Variants in ALK observed in about 807,000 individuals in gnomAD.
ALK encodes the protein ALK receptor tyrosine kinase.
A neutral mutation model predicts 163.1 loss-of-function variants in ALK; 74 were observed. That is an observed-to-expected ratio of 0.45 (90% CI 0.38 to 0.55). The LOEUF (loss-of-function observed/expected upper bound fraction) is 0.55. ALK is among the 20% of genes least tolerant of loss of function. The pLI is 0.00. For synonymous variants in ALK, 960 were observed against 843.2 expected (o/e 1.14, Z -2.40); for missense variants, 2,063 against 2,105.3 (o/e 0.98, Z 0.39).
chr2:29,476,950 C>T (rs1671539986), intron 4 of ALK, among the ~76,000 whole-genome samples: 1 of 152,198 alleles, frequency 6.6e-6, no homozygotes, highest in Non-Finnish European at 1.5e-5. Flanking sequence ...AAGGAGATCA[C>T]CATGCACCTC....
intron 3 of ALK, among the ~76,000 whole-genome samples, chr2:29,689,098 C>T (rs1678319803): frequency 6.6e-6 from 1 of 152,194 alleles, no homozygotes; most frequent in African/African-American, 2.4e-5. Flanking sequence ...AGGGAACTTG[C>T]TCTCCAGAAA....
At chr2:29,736,956 G>A (rs1332874912) in intron 1 of ALK, among the ~76,000 whole-genome samples, 1 of 152,070 alleles carries the variant, frequency 6.6e-6, no homozygotes, top group East Asian at 1.9e-4. Flanking sequence ...CTTAGACCCA[G>A]TGATGTTCCT....
intron 4 of ALK, among the ~76,000 whole-genome samples, chr2:29,424,271 C>A (rs746381168): frequency 7.9e-5 from 12 of 152,106 alleles, no homozygotes; most frequent in Non-Finnish European, 1.3e-4. Flanking sequence ...ACTTTCTTAA[C>A]AATACAATAT....
intron 4 of ALK, among the ~76,000 whole-genome samples, chr2:29,400,772 C>T (rs891256438): frequency 2.6e-5 from 4 of 152,140 alleles, no homozygotes; most frequent in East Asian, 3.9e-4. Flanking sequence ...GTTGGGAGTT[C>T]GAGACCAGCC....
At chr2:29,307,032 G>A (rs1361120991) in intron 8 of ALK, among the ~76,000 whole-genome samples, 3 of 152,234 alleles carry the variant, frequency 2.0e-5, no homozygotes, top group South Asian at 4.1e-4. Flanking sequence ...ATGTAAAGCC[G>A]GAACGGCATT....
At position 29,398,479 on chromosome 2, in the gene ALK, G is replaced by C. The variant is rs370783164; in HGVS notation, c.1155-14620C>G. Among the ~76,000 whole-genome samples the C allele has an allele frequency of 7.4e-4, 112 of 152,226 alleles. No individual in the cohort carries two copies. In the South Asian group the frequency reaches 0.022, roughly 30 times the overall value. The stretch of plus-strand genomic sequence containing the variant: ...TTCCTGGACACCCACTGTTTTATAA[G>C]TGTCACTATAGCCACTGGTGAGCTG... On this transcript the variant is annotated intron_variant, in intron 4 of 28. Transcript: ENST00000389048.
intron 3 of ALK, among the ~76,000 whole-genome samples, chr2:29,576,357 G>T (rs530119738): frequency 6.6e-6 from 1 of 152,156 alleles, no homozygotes; most frequent in East Asian, 1.9e-4. Context: ...CTGCCGGCCC[G>T]TCTGGGTGTT....
At chr2:29,893,728 TGTAATAATAGAA>T (rs1667203499) in intron 1 of ALK, among the ~76,000 whole-genome samples, 1 of 152,132 alleles carries the variant, frequency 6.6e-6, no homozygotes, top group Admixed American at 6.5e-5. Context: ...CCATAATATC[TGTAATAATAGAA>T]ATTAGCTTGT....
chr2:29,866,994 C>T (rs970012750), intron 1 of ALK, among the ~76,000 whole-genome samples: 2 of 152,214 alleles, frequency 1.3e-5, no homozygotes, highest in Non-Finnish European at 2.9e-5. Flanking sequence ...AATACATACA[C>T]TGGTTCAATA....
At chr2:29,787,792 G>A (rs568823916) in intron 1 of ALK, among the ~76,000 whole-genome samples, 2 of 152,128 alleles carry the variant, frequency 1.3e-5, no homozygotes, top group African/African-American at 4.8e-5. Context: ...GAAAATGTGG[G>A]TGGGACCAAA....
chr2:29,213,365 A>G (rs560849706), intron 24 of ALK, among the ~76,000 whole-genome samples: 1 of 152,268 alleles, frequency 6.6e-6, no homozygotes, highest in South Asian at 2.1e-4. Flanking sequence ...GCTTCATTTC[A>G]GAGTATTTTA....
Position 29,877,330 on chromosome 2 carries a change from C to G in ALK, c.667+42663G>C, listed in dbSNP as rs1341323498. On this transcript the variant is annotated intron_variant, in intron 1 of 28. Coordinates refer to ENST00000389048, the MANE Select transcript of ALK (RefSeq NM_004304.5). The stretch of plus-strand genomic sequence containing the variant: ...TGCCATTCCCATTCTTGGTCTAACA[C>G]CAGCTTGTCATAGAGGCCTTCCCTG... Among the ~76,000 whole-genome samples the G allele has an allele frequency of 2.0e-5, 3 of 152,126 alleles. 1 individual carries two copies. The highest frequency in any genetic ancestry group is 4.4e-5 in the Non-Finnish European group (3 of 68,034).
chr2:29,608,579 A>G (rs116799820), intron 3 of ALK, among the ~76,000 whole-genome samples: 72 of 152,326 alleles, frequency 4.7e-4, no homozygotes, highest in African/African-American at 1.7e-3. Flanking sequence ...AACCGTGTGG[A>G]CATAGGCGCC....
intron 4 of ALK, among the ~76,000 whole-genome samples, chr2:29,395,496 G>T (rs1023192705): frequency 1.3e-5 from 2 of 152,222 alleles, no homozygotes; most frequent in Non-Finnish European, 2.9e-5. Flanking sequence ...ATGACCCCAA[G>T]GTATGGCACC....
intron 1 of ALK, among the ~76,000 whole-genome samples, chr2:29,766,684 T>C (rs1680872114): frequency 6.6e-6 from 1 of 152,236 alleles, no homozygotes; most frequent in Admixed American, 6.5e-5. Flanking sequence ...CATCTTCATA[T>C]GCATAGTAAC....
chr2:29,650,210 G>A (rs192460229), intron 3 of ALK, among the ~76,000 whole-genome samples: 69 of 152,284 alleles, frequency 4.5e-4, no homozygotes, highest in Middle Eastern at 3.4e-3. Flanking sequence ...CATATGGATA[G>A]GTTAGCAGCT....
chr2:29,264,742 G>A (rs1368142401), intron 11 of ALK, among the ~76,000 whole-genome samples: 3 of 152,244 alleles, frequency 2.0e-5, no homozygotes, highest in Non-Finnish European at 4.4e-5. Flanking sequence ...GGTACAGTGA[G>A]TGGGTGCTGG....
intron 4 of ALK, among the ~76,000 whole-genome samples, chr2:29,427,575 C>T (rs1166201690): frequency 6.6e-6 from 1 of 151,014 alleles, no homozygotes; most frequent in Non-Finnish European, 1.5e-5. Context: ...AATCATTAAA[C>T]AAATTAAAAT....
intron 3 of ALK, among the ~76,000 whole-genome samples, chr2:29,662,410 A>C (rs1677377408): frequency 6.6e-6 from 1 of 152,114 alleles, no homozygotes; most frequent in African/African-American, 2.4e-5. Flanking sequence ...CATTTGACCC[A>C]ATTTCCTGTA....
Sources: allele counts gnomAD v4.1 joint callset (sites outside exome capture counted in the v4.1 genomes callset), GRCh38; gene constraint gnomAD v4.1.1; transcripts MANE v1.5; gene names NCBI Gene and HGNC (gene_info 2026-07-23, HGNC 2026-07-21).